TRPC4AP: variants seen among roughly 807,000 people sequenced by gnomAD.
The protein encoded by TRPC4AP is short transient receptor potential channel 4-associated protein.
Under a neutral mutation model 99.0 loss-of-function variants are expected in TRPC4AP, and 45 were observed. That is an observed-to-expected ratio of 0.45 (90% CI 0.36 to 0.58). The LOEUF is 0.58. Among genes scored for constraint, TRPC4AP ranks in the 20% least tolerant of loss-of-function variants. The probability of loss-of-function intolerance (pLI) is 0.00; values close to 1 mark genes in which losing one functional copy is unlikely to be tolerated. For synonymous variants in TRPC4AP, 408 were observed against 385.8 expected (o/e 1.06, Z -0.67); for missense variants, 879 against 985.3 (o/e 0.89, Z 1.44).
chr20:35,054,829 G>A, intron 5 of TRPC4AP, 147 bp downstream of exon 5: 1 of 680,022 alleles, frequency 1.5e-6, no homozygotes, highest in South Asian at 2.1e-5. Flanking sequence ...AGTTAGTCCT[G>A]ATTTTCAGGC....
Position 35,035,328 on chromosome 20 carries a change from C to T in TRPC4AP, c.866-20G>A, listed in dbSNP as rs1433939521. On this transcript the variant is annotated intron_variant, in intron 7 of 18. Transcript: ENST00000252015. ...GGGCCGCTGCCAGGGAAAGAACAAG[C>T]GAGGAAATTTTCAAAATAGAGACCA... 3.1e-6 allele frequency: 5 copies of T among 1,606,306 alleles called. No homozygotes were observed. The Admixed American group carries it at 5.1e-5, about 16-fold the overall frequency.
At chr20:35,059,687 GAAGAAGAAGA>G (rs1227979884) in intron 3 of TRPC4AP, among the ~76,000 whole-genome samples, 4 of 147,834 alleles carry the variant, frequency 2.7e-5, no homozygotes, top group Non-Finnish European at 4.5e-5. Context: ...GAAGAAGAAG[GAAGAAGAAGA>G]AAGAAGAAGA....
rs576783529 is a variant in TRPC4AP, at chr20:35,080,407, G to A, written c.169-2233C>T. On this transcript the variant is annotated intron_variant, in intron 1 of 18. Transcript: ENST00000252015. ...TCCCAGCTACTCGGGAGGCTGAGGT[G>A]GGAGAATGGCTTGAGCCCAGGAGGC... Among the ~76,000 whole-genome samples the A allele has an allele frequency of 4.6e-5, 7 of 151,986 alleles. No homozygotes were observed. In the East Asian group the frequency reaches 1.4e-3, roughly 29 times the overall value.
intron 8 of TRPC4AP, among the ~76,000 whole-genome samples, chr20:35,033,259 T>A (rs769920323): frequency 1.3e-5 from 2 of 152,132 alleles, no homozygotes; most frequent in African/African-American, 4.8e-5. Flanking sequence ...TCAGGGTTTG[T>A]TGTTGTTATT....
chr20:35,040,780 G>A (rs892482985), intron 7 of TRPC4AP, among the ~76,000 whole-genome samples: 3 of 152,052 alleles, frequency 2.0e-5, no homozygotes, highest in Admixed American at 1.3e-4. Flanking sequence ...TTTTGTCGCA[G>A]ATGGCTTATC....
intron 3 of TRPC4AP, among the ~76,000 whole-genome samples, chr20:35,059,404 A>C (rs577311877): frequency 6.6e-6 from 1 of 152,358 alleles, no homozygotes; most frequent in African/African-American, 2.4e-5. Context: ...TCATGCCTGT[A>C]ATCCCAAGAC....
chr20:35,015,974 A>G, intron 10 of TRPC4AP, 34 bp downstream of exon 10: 1 of 1,613,142 alleles, frequency 6.2e-7, no homozygotes, highest in East Asian at 2.2e-5. Context: ...CAAGCCAGTG[A>G]GGCCCCATCT....
chr20:35,079,355 T>C (rs1181096617), intron 1 of TRPC4AP, among the ~76,000 whole-genome samples: 1 of 152,130 alleles, frequency 6.6e-6, no homozygotes, highest in African/African-American at 2.4e-5. Flanking sequence ...AATGAAAATA[T>C]AACTTATCAA....
At chr20:35,054,585 T>C (rs2083782182) in intron 5 of TRPC4AP, among the ~76,000 whole-genome samples, 1 of 152,182 alleles carries the variant, frequency 6.6e-6, no homozygotes, top group African/African-American at 2.4e-5. Flanking sequence ...TCCTGCTCAA[T>C]ATATGGGCGG....
chr20:35,055,091 A>C (rs1237346011), intron 4 of TRPC4AP, 60 bp from the exon 5 acceptor site: 38 of 1,476,654 alleles, frequency 2.6e-5, no homozygotes, highest in Non-Finnish European at 3.6e-5. Flanking sequence ...TACAACAGTT[A>C]CCACATTTTT....
Position 35,092,722 on chromosome 20 carries a change from G to C in TRPC4AP, c.60C>G (p.Ala20=). Residue 20 remains alanine (A), a synonymous_variant, in exon 1 of 19, where the codon GCC becomes GCG. Coordinates refer to ENST00000252015, the MANE Select transcript of TRPC4AP (RefSeq NM_015638.3). ...SGAGRGRRSA[A]TVAAWGGWGG... is the part of the protein sequence containing the mutation. ...CCCATCCGCCCCAAGCCGCCACTGTGGCTGCCGACCGTCTCCCTCGGCCGG... is the reference window on the plus strand; with the variant it reads ...CCCATCCGCCCCAAGCCGCCACTGTCGCTGCCGACCGTCTCCCTCGGCCGG... 1.3e-6 allele frequency: 2 copies of C among 1,559,340 alleles called. No individual in the cohort carries two copies. Among genetic ancestry groups the C allele is most frequent in the East Asian group, 4.9e-5 (2 of 40,962 alleles).
chr20:35,018,957 G>C (rs1221189512), intron 9 of TRPC4AP, among the ~76,000 whole-genome samples: 1 of 152,182 alleles, frequency 6.6e-6, no homozygotes, highest in East Asian at 1.9e-4. Flanking sequence ...AAGCTACTCA[G>C]GGGGCACTAA....
chr20:35,086,523 ATATGTGTGTGTGTG>A lies in TRPC4AP; in HGVS notation c.168+6077_168+6090del, dbSNP rs1365188881. Among the ~76,000 whole-genome samples the A allele has an allele frequency of 6.0e-3, 592 of 99,126 alleles. 42 individuals carry two copies. The highest frequency in any genetic ancestry group is 0.022 in the African/African-American group (538 of 24,874). 65.0% of individuals were successfully genotyped at this position (99,126 alleles called of 152,430 possible). A position where few individuals can be genotyped will look rare whatever the true frequency, so the allele number is the denominator to read the frequency against. On this transcript the variant is annotated intron_variant, in intron 1 of 18. Transcript: ENST00000252015. ...TGTATATATATGTGTGTGTGTGTAT[ATATGTGTGTGTGTG>A]TGTGTGTGTGTGTGTGTGTGTGTGT...
At chr20:35,034,846 T>C (rs1279433878) in intron 8 of TRPC4AP, among the ~76,000 whole-genome samples, 1 of 152,176 alleles carries the variant, frequency 6.6e-6, no homozygotes, top group Non-Finnish European at 1.5e-5. Flanking sequence ...TTCCTAAGAA[T>C]GCTCTGGTTA....
chr20:35,078,088 G>A lies in TRPC4AP; in HGVS notation c.255C>T (p.Ser85=), dbSNP rs767952144. ...PQLLLKLHTT[S]HLHSDFVECQ... ...ACTCAACAAAGTCACTGTGGAGGTGGCTGGTGGTGTGCAGCTTGAGGAGCA... is the reference window on the plus strand; with the variant it reads ...ACTCAACAAAGTCACTGTGGAGGTGACTGGTGGTGTGCAGCTTGAGGAGCA... Residue 85 remains serine (S), a synonymous_variant, in exon 2 of 19, where the codon AGC becomes AGT. Coordinates refer to ENST00000252015, the MANE Select transcript of TRPC4AP (RefSeq NM_015638.3). 6.2e-7 allele frequency: 1 copy of A among 1,613,922 alleles called. No individual in the cohort carries two copies. The highest frequency in any genetic ancestry group is 8.5e-7 in the Non-Finnish European group (1 of 1,179,872).
intron 2 of TRPC4AP, 61 bp downstream of exon 2, chr20:35,077,985 G>A: frequency 1.4e-6 from 2 of 1,478,786 alleles, no homozygotes; most frequent in South Asian, 1.4e-5. Flanking sequence ...AAAAAAAACA[G>A]CAGACATCTT....
chr20:35,083,899 C>T (rs943768758), intron 1 of TRPC4AP, among the ~76,000 whole-genome samples: 1 of 151,180 alleles, frequency 6.6e-6, no homozygotes, highest in Non-Finnish European at 1.5e-5. Context: ...TAGTAAGCAG[C>T]TAAACTAAAC....
At position 35,002,485 on chromosome 20, in the gene TRPC4AP, C is replaced by T; in HGVS notation, c.*661G>A. ...AATAAATTGGCAACACAAGGAAGGGCCCCATGTCCAGGCTCAGGCAGGAGC... is the reference window on the plus strand; with the variant it reads ...AATAAATTGGCAACACAAGGAAGGGTCCCATGTCCAGGCTCAGGCAGGAGC... On this transcript the variant is annotated 3_prime_UTR_variant, in exon 19 of 19. Transcript: ENST00000252015. 6.5e-6 allele frequency: 2 copies of T among 306,690 alleles called. No homozygotes were observed. The highest frequency in any genetic ancestry group is 1.4e-4 in the South Asian group (1 of 7,018). The allele number at this position is 306,690 out of a possible 1,614,324, so 19.0% of individuals were successfully genotyped here.
intron 2 of TRPC4AP, among the ~76,000 whole-genome samples, chr20:35,076,805 A>G (rs1399979324): frequency 1.3e-5 from 2 of 152,206 alleles, no homozygotes; most frequent in Admixed American, 1.3e-4. Flanking sequence ...AGACAGGGAC[A>G]TTTAAACCTG....
Sources: gnomAD v4.1 joint callset for allele counts (sites outside exome capture counted in the v4.1 genomes callset) on GRCh38, gnomAD v4.1.1 for gene constraint, MANE v1.5 for transcripts, NCBI Gene and HGNC (gene_info 2026-07-23, HGNC 2026-07-21) for gene names.